The following PDE4D variants were observed in gnomAD, a reference collection of about 807,000 sequenced individuals.
PDE4D encodes the protein phosphodiesterase 4D.
In PDE4D, 24 loss-of-function variants were observed where a neutral mutation model predicts 87.4. The observed-to-expected ratio is 0.27, with a 90% CI of 0.20 to 0.39. The LOEUF (loss-of-function observed/expected upper bound fraction) is 0.39. Ranked by LOEUF, PDE4D falls within the 10% of genes least tolerant of loss-of-function variation. PDE4D has a pLI of 1.00. For synonymous variants in PDE4D, 384 were observed against 383.2 expected (o/e 1.00, Z -0.02); for missense variants, 714 against 1,041.0 (o/e 0.69, Z 4.32).
At chr5:60,146,764 A>G (rs540240880) in intron 2 of PDE4D, among the ~76,000 whole-genome samples, 7 of 152,342 alleles carry the variant, frequency 4.6e-5, no homozygotes, top group African/African-American at 1.7e-4. Flanking sequence ...TATTCAAAAT[A>G]CAGAACTCAA....
At chr5:60,460,848 G>A in intron 1 of PDE4D, 1 of 445,818 alleles carries the variant, frequency 2.2e-6, no homozygotes, top group Non-Finnish European at 4.0e-6. Context: ...ATAACACATG[G>A]GTATTTGAAG....
chr5:59,402,764 A>G (rs1790895064), intron 1 of PDE4D, among the ~76,000 whole-genome samples: 1 of 152,128 alleles, frequency 6.6e-6, no homozygotes, highest in East Asian at 1.9e-4. Flanking sequence ...CCCTCTTCAT[A>G]AGGCTCTCAA....
intron 1 of PDE4D, among the ~76,000 whole-genome samples, chr5:59,653,208 ATT>A (rs555841091): frequency 8.0e-6 from 1 of 125,730 alleles, no homozygotes. Flanking sequence ...AAAAAAAAAA[ATT>A]TTTTTTTTTT....
At chr5:59,296,298 G>T (rs1436013923) in intron 1 of PDE4D, among the ~76,000 whole-genome samples, 2 of 151,954 alleles carry the variant, frequency 1.3e-5, no homozygotes, top group Admixed American at 1.3e-4. Context: ...CATACAGTGG[G>T]ATTAGTTTCC....
chr5:59,532,464 A>C (rs1374262297), intron 1 of PDE4D, among the ~76,000 whole-genome samples: 1 of 152,138 alleles, frequency 6.6e-6, no homozygotes. Context: ...TTGAAGAGTT[A>C]ATCACTTGAA....
intron 2 of PDE4D, among the ~76,000 whole-genome samples, chr5:60,136,791 A>C (rs1311420791): frequency 6.6e-6 from 1 of 152,054 alleles, no homozygotes; most frequent in Non-Finnish European, 1.5e-5. Context: ...GCATCTAGAC[A>C]AGTTCTTTTC....
chr5:59,610,130 T>G (rs1249508382), intron 1 of PDE4D, among the ~76,000 whole-genome samples: 1 of 152,112 alleles, frequency 6.6e-6, no homozygotes, highest in Admixed American at 6.6e-5. Flanking sequence ...TGAACATGGG[T>G]CAAGGTCACT....
chr5:59,526,668 G>A (rs1813194158), intron 1 of PDE4D, among the ~76,000 whole-genome samples: 1 of 152,064 alleles, frequency 6.6e-6, no homozygotes, highest in African/African-American at 2.4e-5. Flanking sequence ...CTATCTCCCT[G>A]GCTAGAATGC....
rs903281061 is a variant in PDE4D at position 59,336,561 on chromosome 5, CTACTT to C, written c.456-120598_456-120594del. The stretch of plus-strand genomic sequence containing the variant: ...CAGGGTTCAAACTTTAGCTTATTGA[CTACTT>C]TTTAAGCTATGCAACCCTTAGCAAA... On this transcript the variant is annotated intron_variant, in intron 1 of 14. Coordinates refer to ENST00000340635, the MANE Select transcript of PDE4D (RefSeq NM_001104631.2). Among the ~76,000 whole-genome samples, 59 of 152,234 alleles carry C rather than the reference CTACTT, an allele frequency of 3.9e-4. 2 individuals are homozygous for C. Among genetic ancestry groups the C allele is most frequent in the Admixed American group, 3.7e-3 (56 of 15,296 alleles).
chr5:59,652,640 A>G (rs1009897522), intron 1 of PDE4D, among the ~76,000 whole-genome samples: 1 of 152,204 alleles, frequency 6.6e-6, no homozygotes, highest in African/African-American at 2.4e-5. Flanking sequence ...TTATGACTGT[A>G]TATTTGTTTG....
intron 1 of PDE4D, among the ~76,000 whole-genome samples, chr5:59,350,748 T>C (rs1780403435): frequency 1.3e-5 from 2 of 152,194 alleles, no homozygotes; most frequent in Non-Finnish European, 2.9e-5. Flanking sequence ...TTTACATGGC[T>C]AACACACTTA....
chr5:59,117,744 A>G (rs1580885700), intron 5 of PDE4D, among the ~76,000 whole-genome samples: 1 of 151,914 alleles, frequency 6.6e-6, no homozygotes, highest in African/African-American at 2.4e-5. Flanking sequence ...GTAGCTTGGA[A>G]CCAGCCATGG....
chr5:60,267,593 C>T (rs1156870412), intron 1 of PDE4D, among the ~76,000 whole-genome samples: 1 of 152,044 alleles, frequency 6.6e-6, no homozygotes, highest in Non-Finnish European at 1.5e-5. Flanking sequence ...TCCTAGGATT[C>T]AATATTACAT....
At chr5:59,793,260 T>A (rs1766034589) in intron 1 of PDE4D, among the ~76,000 whole-genome samples, 1 of 152,216 alleles carries the variant, frequency 6.6e-6, no homozygotes, top group Non-Finnish European at 1.5e-5. Context: ...ATAGTGATGA[T>A]GAAATATTGA....
intron 1 of PDE4D, among the ~76,000 whole-genome samples, chr5:59,721,256 T>A (rs1651724966): frequency 6.6e-6 from 1 of 152,194 alleles, no homozygotes; most frequent in Admixed American, 6.6e-5. Context: ...ATTTCCTGTG[T>A]ATTATTATTT....
chr5:59,224,886 T>A (rs1412264930), intron 1 of PDE4D, among the ~76,000 whole-genome samples: 1 of 152,190 alleles, frequency 6.6e-6, no homozygotes, highest in Non-Finnish European at 1.5e-5. Flanking sequence ...CTTGGACTTC[T>A]CAGCATCCAG....
rs568134659 is a variant in PDE4D, at chr5:60,088,386, T to C, written c.42+97171A>G. Among the ~76,000 whole-genome samples the C allele has an allele frequency of 4.1e-4, 62 of 152,036 alleles. 1 individual carries two copies. The highest frequency in any genetic ancestry group is 3.7e-3 in the Admixed American group (56 of 15,288). ...AAAAATGCATAATTCTATAATACTA[T>C]AATTAGGGTAAGTAAACAATTTATA... is the stretch of plus-strand genomic sequence containing the variant. On this transcript the variant is annotated intron_variant, in intron 2 of 16. Transcript: ENST00000502484.
At chr5:59,258,711 TATC>T (rs1373347368) in intron 1 of PDE4D, among the ~76,000 whole-genome samples, 1 of 148,594 alleles carries the variant, frequency 6.7e-6, no homozygotes, top group Non-Finnish European at 1.5e-5. Context: ...TCATATATCA[TATC>T]ATATATAGAT....
At chr5:59,582,389 G>A (rs548739146) in intron 1 of PDE4D, among the ~76,000 whole-genome samples, 70 of 152,248 alleles carry the variant, frequency 4.6e-4, no homozygotes, top group Middle Eastern at 6.8e-3. Flanking sequence ...TTCAATGTAT[G>A]AAGAGGAGAA....
Sources: allele counts gnomAD v4.1 joint callset (sites outside exome capture counted in the v4.1 genomes callset), GRCh38; gene constraint gnomAD v4.1.1; transcripts MANE v1.5; gene names NCBI Gene and HGNC (gene_info 2026-07-23, HGNC 2026-07-21).